The following SPAG16 variants were observed in gnomAD, a reference collection of about 807,000 sequenced individuals.
The protein encoded by SPAG16 is sperm associated antigen 16.
SPAG16 carries 86 observed loss-of-function variants against 80.4 expected under a neutral mutation model. The observed-to-expected ratio is 1.07, with a 90% confidence interval of 0.90 to 1.28. The LOEUF is 1.28. Among genes scored for constraint, SPAG16 ranks in the 50% most tolerant of loss-of-function variants. The pLI is 0.00. For synonymous variants in SPAG16, 294 were observed against 265.9 expected, an observed-to-expected ratio of 1.11 and a Z score of -1.03; for missense variants, 870 against 765.3, an observed-to-expected ratio of 1.14 and a Z score of -1.61.
intron 15 of SPAG16, among the ~76,000 whole-genome samples, chr2:214,220,655 G>A (rs1275246614): frequency 6.6e-6 from 1 of 152,042 alleles, no homozygotes; most frequent in Non-Finnish European, 1.5e-5. Context: ...CAAAATTCAG[G>A]GAATCGAAGG....
intron 13 of SPAG16, among the ~76,000 whole-genome samples, chr2:214,047,320 G>A (rs2049382133): frequency 6.6e-6 from 1 of 152,108 alleles, no homozygotes; most frequent in South Asian, 2.1e-4. Flanking sequence ...AACCAAAGCA[G>A]CATGATACTG....
At chr2:213,777,141 A>G (rs2125569660) in intron 10 of SPAG16, among the ~76,000 whole-genome samples, 1 of 149,614 alleles carries the variant, frequency 6.7e-6, no homozygotes, top group Non-Finnish European at 1.5e-5. Context: ...TAAAGAAACT[A>G]TTGTTTTTCC....
At chr2:213,296,948 GGGCAAGAA>G in intron 2 of SPAG16, 1 of 669,326 alleles carries the variant, frequency 1.5e-6, no homozygotes, top group Admixed American at 4.6e-5. Context: ...ACTTGAGATG[GGGCAAGAA>G]TGGTGATATT....
chr2:213,426,754 GGTGTGTGTGTGTGTGTGTGT>G (rs148203065), intron 9 of SPAG16, among the ~76,000 whole-genome samples: 180 of 140,626 alleles, frequency 1.3e-3, no homozygotes, highest in African/African-American at 3.9e-3. Flanking sequence ...GCATAAATCT[GGTGTGTGTGTGTGTGTGTGT>G]GTGTGTGTGT....
intron 10 of SPAG16, among the ~76,000 whole-genome samples, chr2:213,737,609 T>C (rs1215917882): frequency 6.6e-6 from 1 of 151,594 alleles, no homozygotes; most frequent in East Asian, 2.0e-4. Context: ...TGCCTCAGCC[T>C]CCCGAGTAGC....
At chr2:213,741,347 G>A (rs1182964221) in intron 10 of SPAG16, among the ~76,000 whole-genome samples, 4 of 152,024 alleles carry the variant, frequency 2.6e-5, no homozygotes, top group Admixed American at 2.6e-4. Context: ...CCTATATGTT[G>A]GAATTTGAAT....
chr2:214,402,814 T>C lies in SPAG16; in HGVS notation c.1721-7326T>C, dbSNP rs192184218. Among the ~76,000 whole-genome samples, 52 of 152,170 alleles carry C rather than the reference T, an allele frequency of 3.4e-4. No homozygotes were observed. The East Asian group carries it at 9.8e-3, about 29-fold the overall frequency. ...CCAGGAAACTAGTTGTACAATCAGA[T>C]TCTTGGAATCAATAGATGCCACTAG... On this transcript the variant is annotated intron_variant, in intron 15 of 15. Transcript: ENST00000331683.
At chr2:213,500,162 C>G (rs2074675979) in intron 10 of SPAG16, among the ~76,000 whole-genome samples, 1 of 152,160 alleles carries the variant, frequency 6.6e-6, no homozygotes, top group Non-Finnish European at 1.5e-5. Flanking sequence ...GACAAACCCA[C>G]AGAATGCTTT....
intron 10 of SPAG16, among the ~76,000 whole-genome samples, chr2:213,611,155 G>T (rs2061428828): frequency 6.6e-6 from 1 of 152,240 alleles, no homozygotes; most frequent in African/African-American, 2.4e-5. Context: ...TCATGCTGTG[G>T]TTCTCCCTCA....
chr2:214,258,610 G>C (rs1559161157), intron 15 of SPAG16, among the ~76,000 whole-genome samples: 1 of 151,670 alleles, frequency 6.6e-6, no homozygotes, highest in Non-Finnish European at 1.5e-5. Flanking sequence ...AACATGCGGG[G>C]GCAAGTGTCT....
At chr2:213,500,541 T>C (rs2074696681) in intron 10 of SPAG16, among the ~76,000 whole-genome samples, 1 of 152,202 alleles carries the variant, frequency 6.6e-6, no homozygotes, top group Non-Finnish European at 1.5e-5. Flanking sequence ...ATTCCTACCT[T>C]GTGTTCTAAA....
chr2:214,059,302 ATCC>A (rs2050136052), intron 13 of SPAG16, among the ~76,000 whole-genome samples: 1 of 146,854 alleles, frequency 6.8e-6, no homozygotes, highest in African/African-American at 2.5e-5. Flanking sequence ...AAAAAATTTC[ATCC>A]TCAGACTTCT....
rs552307673 is a variant in SPAG16 at position 214,071,754 on chromosome 2, G to A, written c.1528-36442G>A. On this transcript the variant is annotated intron_variant, in intron 13 of 15. Transcript: ENST00000331683. The stretch of plus-strand genomic sequence containing the variant: ...GAGTATCATCTTTCCTTCATCATCA[G>A]TTCCCATTTGTTATATATATTTCTT... Among the ~76,000 whole-genome samples, 3 of 152,044 alleles carry A rather than the reference G, an allele frequency of 2.0e-5. No individual in the cohort carries two copies. The East Asian group carries it at 5.8e-4, about 29-fold the overall frequency.
intron 13 of SPAG16, among the ~76,000 whole-genome samples, chr2:214,072,343 G>T (rs1234903409): frequency 6.6e-6 from 1 of 152,118 alleles, no homozygotes; most frequent in East Asian, 1.9e-4. Flanking sequence ...ATGCCCAAAT[G>T]AATGTTGTAT....
intron 10 of SPAG16, among the ~76,000 whole-genome samples, chr2:213,851,502 C>T (rs1329169119): frequency 2.0e-5 from 3 of 152,012 alleles, no homozygotes; most frequent in African/African-American, 4.8e-5. Flanking sequence ...AGCGAGACTC[C>T]CTCTTAAAAT....
intron 13 of SPAG16, among the ~76,000 whole-genome samples, chr2:214,082,087 T>C (rs1237276022): frequency 2.0e-5 from 3 of 152,152 alleles, no homozygotes; most frequent in African/African-American, 7.2e-5. Flanking sequence ...AACCTTGCCT[T>C]TCTTCCTGGC....
At chr2:213,340,300 A>G in intron 6 of SPAG16, 30 bp downstream of exon 6, 1 of 1,412,830 alleles carries the variant, frequency 7.1e-7, no homozygotes, top group South Asian at 1.2e-5. Context: ...CATATTTATT[A>G]AAGAGTTATT....
chr2:214,144,259 G>A (rs1277796523), intron 14 of SPAG16, among the ~76,000 whole-genome samples: 1 of 152,066 alleles, frequency 6.6e-6, no homozygotes, highest in Non-Finnish European at 1.5e-5. Flanking sequence ...TCTTTGAGGA[G>A]TTTAATTATT....
intron 2 of SPAG16, 139 bp from the exon 3 acceptor site, chr2:213,297,123 A>G: frequency 6.8e-7 from 1 of 1,480,358 alleles, no homozygotes; most frequent in Non-Finnish European, 9.0e-7. Context: ...TTTTTCATGG[A>G]TCTTCAGAAT....
Sources: allele counts gnomAD v4.1 joint callset (sites outside exome capture counted in the v4.1 genomes callset), GRCh38; gene constraint gnomAD v4.1.1; transcripts MANE v1.5; gene names NCBI Gene and HGNC (gene_info 2026-07-23, HGNC 2026-07-21).